The following MACF1 variants were observed in gnomAD, a reference collection of about 807,000 sequenced individuals.
MACF1 encodes the protein microtubule actin crosslinking factor 1.
Under a neutral mutation model 854.8 loss-of-function variants are expected in MACF1, and 193 were observed. The ratio of observed to expected loss-of-function variants is 0.23; its 90% CI spans 0.20 to 0.25. MACF1 has a LOEUF of 0.25. Ranked by LOEUF, MACF1 falls within the 10% of genes least tolerant of loss-of-function variation. The pLI is 1.00. For synonymous variants in MACF1, 3,185 were observed against 3,226.7 expected (o/e 0.99, Z 0.44); for missense variants, 7,722 against 8,929.1 (o/e 0.86, Z 5.45).
intron 40 of MACF1, among the ~76,000 whole-genome samples, chr1:39,341,833 A>G (rs1190853521): frequency 6.6e-6 from 1 of 151,302 alleles, no homozygotes; most frequent in East Asian, 1.9e-4. Context: ...AGCATCTAGG[A>G]TCCGTCCTTT....
At chr1:39,141,949 G>A (rs1036730391) in intron 2 of MACF1, among the ~76,000 whole-genome samples, 2 of 152,124 alleles carry the variant, frequency 1.3e-5, no homozygotes, top group African/African-American at 4.8e-5. Flanking sequence ...ATAGAGGAAG[G>A]TGCCTGTGCT....
intron 93 of MACF1, 31 bp downstream of exon 93, chr1:39,462,068 T>G (rs1411980881): frequency 1.2e-6 from 2 of 1,609,662 alleles, no homozygotes; most frequent in Non-Finnish European, 1.7e-6. Flanking sequence ...TTGAGTACAC[T>G]TCTGGCTGTA....
intron 89 of MACF1, 149 bp from the exon 90 acceptor site, chr1:39,458,221 A>G (rs1644481238): frequency 1.5e-6 from 1 of 651,524 alleles, no homozygotes; most frequent in South Asian, 2.2e-5. Flanking sequence ...TCCAAACTAC[A>G]TCCCTCAGTA....
intron 95 of MACF1, among the ~76,000 whole-genome samples, chr1:39,465,907 A>T (rs1421113842): frequency 6.6e-6 from 1 of 152,198 alleles, no homozygotes; most frequent in Non-Finnish European, 1.5e-5. Context: ...AAAACTAAAG[A>T]TGAGAACAAA....
Position 39,430,103 on chromosome 1 carries a change from G to A in MACF1, c.17130+35G>A, listed in dbSNP as rs147833547. On this transcript the variant is annotated intron_variant, in intron 65 of 100. Coordinates refer to ENST00000564288, the MANE Select transcript of MACF1 (RefSeq NM_001394062.1). ...TACTTTACCATAAAAAGAAAAAAAG[G>A]CTTCCTCTTTGTCAGAATCCTTAAG... 2.2e-3 allele frequency: 3,450 copies of A among 1,584,832 alleles called. 7 individuals carry two copies. Among genetic ancestry groups the A allele is most frequent in the East Asian group, 0.01 (463 of 44,656 alleles).
chr1:39,464,888 TG>T, intron 94 of MACF1: 1 of 516,056 alleles, frequency 1.9e-6, no homozygotes, highest in Non-Finnish European at 3.4e-6. Flanking sequence ...CACTCCAGCC[TG>T]GGCAACAGAG....
chr1:39,131,823 ATTTT>A (rs1428379397), intron 2 of MACF1, among the ~76,000 whole-genome samples: 1 of 152,014 alleles, frequency 6.6e-6, no homozygotes, highest in Non-Finnish European at 1.5e-5. Flanking sequence ...TTATTTGTTT[ATTTT>A]TTAGAGATGG....
At chr1:39,138,516 C>T (rs992734760) in intron 2 of MACF1, among the ~76,000 whole-genome samples, 3 of 150,010 alleles carry the variant, frequency 2.0e-5, no homozygotes, top group Non-Finnish European at 4.4e-5. Context: ...ACCTGGGAGG[C>T]GGAGCTTGCA....
intron 99 of MACF1, among the ~76,000 whole-genome samples, chr1:39,484,058 CA>C (rs950627421): frequency 6.6e-6 from 1 of 152,170 alleles, no homozygotes; most frequent in Admixed American, 6.5e-5. Flanking sequence ...GAGGCTGAGG[CA>C]GGAGAATGGT....
At chr1:39,176,671 G>A (rs1369948453) in intron 2 of MACF1, among the ~76,000 whole-genome samples, 1 of 152,102 alleles carries the variant, frequency 6.6e-6, no homozygotes, top group East Asian at 1.9e-4. Flanking sequence ...ATGTTTAATA[G>A]TCAGGTTTTT....
rs1318138577 is a variant in MACF1 at position 39,336,619 on chromosome 1, G to A, written c.10031G>A (p.Gly3344Glu). The A allele has an allele frequency of 6.2e-7, 1 of 1,613,268 alleles. No individual in the cohort carries two copies. Among genetic ancestry groups the A allele is most frequent in the South Asian group, 1.1e-5 (1 of 91,016 alleles). ...ACTGCACCTGAAGGAAAGGGAAATG[G>A]AGGTGTAAACCCAGAGCCCTTCAGA... ...FMTAPEGKGNGGVNPEPFRAT... is the reference protein window; with the variant it reads ...FMTAPEGKGNEGVNPEPFRAT... The change falls in exon 37 of 101, where the codon GGA becomes GAA. Residue 3344 changes from glycine (G) to glutamate (E), a missense_variant. By Grantham distance (98) the Gly-to-Glu change is moderately conservative. Transcript: ENST00000564288.
intron 1 of MACF1, among the ~76,000 whole-genome samples, chr1:39,224,110 A>G (rs371253023): frequency 1.3e-5 from 2 of 152,216 alleles, no homozygotes; most frequent in Non-Finnish European, 2.9e-5. Context: ...ATGGATGTTC[A>G]TTAAATCATT....
At chr1:39,445,364 T>G (rs1644204684) in intron 80 of MACF1, among the ~76,000 whole-genome samples, 2 of 152,206 alleles carry the variant, frequency 1.3e-5, no homozygotes, top group South Asian at 4.1e-4. Context: ...AAGATTATTT[T>G]TTATGAGTAC....
intron 2 of MACF1, among the ~76,000 whole-genome samples, chr1:39,144,132 G>C (rs1480641836): frequency 4.1e-5 from 6 of 147,448 alleles, no homozygotes; most frequent in African/African-American, 1.5e-4. Context: ...CTAGGCTGGA[G>C]TGCAATGGCA....
chr1:39,101,364 A>G (rs1363059915), intron 2 of MACF1, among the ~76,000 whole-genome samples: 1 of 103,648 alleles, frequency 9.6e-6, no homozygotes, highest in Non-Finnish European at 2.0e-5. Context: ...CTCAAAAAAA[A>G]AAAAAATATG....
intron 2 of MACF1, among the ~76,000 whole-genome samples, chr1:39,134,560 G>T (rs1404185740): frequency 1.3e-5 from 2 of 152,050 alleles, no homozygotes; most frequent in Non-Finnish European, 2.9e-5. Context: ...GGTCTTACTG[G>T]CTCTGTGGTC....
chr1:39,485,769 C>G lies in MACF1; in HGVS notation c.22643C>G (p.Pro7548Arg), dbSNP rs150441015. ...TCTAAGAAGACCACCACTGCCTCCC[C>G]CAGGACTCCAGGTCCCAAGCGATAA... ...TMSKKTTTAS[P>R]RTPGPKR The change falls in exon 101 of 101, where the codon CCC becomes CGC. Residue 7548 changes from proline (P) to arginine (R), a missense_variant. Pro to Arg is a moderately radical substitution (Grantham distance 103, BLOSUM62 -2). Transcript: ENST00000564288. 6.8e-6 allele frequency: 11 copies of G among 1,608,036 alleles called. No homozygotes were observed. The highest frequency in any genetic ancestry group is 1.3e-5 in the African/African-American group (1 of 74,808).
rs544917766 is a variant in MACF1 at position 39,140,274 on chromosome 1, C to T, written c.220+55836C>T. On this transcript the variant is annotated intron_variant, in intron 2 of 93. Transcript: ENST00000361689. ...CTAGCATAAATCTAAATCTTATGAC[C>T]TCAAATCCCATGTTTTTTCCACCAA... Among the ~76,000 whole-genome samples, 4 of 152,198 alleles carry T rather than the reference C, an allele frequency of 2.6e-5. 1 individual carries two copies. In the South Asian group the frequency reaches 6.2e-4, roughly 24 times the overall value.
chr1:39,230,659 G>C (rs565272457), intron 1 of MACF1, among the ~76,000 whole-genome samples: 1 of 152,150 alleles, frequency 6.6e-6, no homozygotes, highest in South Asian at 2.1e-4. Flanking sequence ...GAGATGTGCA[G>C]TGGGGGTAAG....
Sources: gnomAD v4.1 joint callset for allele counts (sites outside exome capture counted in the v4.1 genomes callset) on GRCh38, gnomAD v4.1.1 for gene constraint, MANE v1.5 for transcripts, NCBI Gene and HGNC (gene_info 2026-07-23, HGNC 2026-07-21) for gene names.